RBM19: variants seen among roughly 807,000 people sequenced by gnomAD.
The protein encoded by RBM19 is probable RNA-binding protein 19.
In RBM19, 94 loss-of-function variants were observed where a neutral mutation model predicts 116.8. The observed-to-expected ratio is 0.80, with a 90% CI of 0.68 to 0.95. The LOEUF (loss-of-function observed/expected upper bound fraction) is 0.95. RBM19 is among the 40% of genes least tolerant of loss of function. The pLI is 0.00. For missense variants in RBM19, 1,161 were observed against 1,220.7 expected, an observed-to-expected ratio of 0.95 and a Z score of 0.73; for synonymous variants, 475 against 494.1, an observed-to-expected ratio of 0.96 and a Z score of 0.51.
chr12:113,924,268 A>G (rs1868858684), intron 18 of RBM19, among the ~76,000 whole-genome samples: 1 of 152,244 alleles, frequency 6.6e-6, no homozygotes, highest in Non-Finnish European at 1.5e-5. Flanking sequence ...AAGTTCTACA[A>G]CTGGGTTATC....
intron 23 of RBM19, among the ~76,000 whole-genome samples, chr12:113,843,787 C>T (rs1422324981): frequency 6.6e-6 from 1 of 152,234 alleles, no homozygotes; most frequent in Admixed American, 6.5e-5. Flanking sequence ...CCTCTCCTCA[C>T]CTGACTGAAC....
chr12:113,859,454 C>T (rs1439626908), intron 21 of RBM19, among the ~76,000 whole-genome samples: 1 of 152,212 alleles, frequency 6.6e-6, no homozygotes, highest in Non-Finnish European at 1.5e-5. Context: ...AAATGATACG[C>T]AGCTACTCCC....
chr12:113,953,611 CATT>C (rs1871658761), intron 7 of RBM19, among the ~76,000 whole-genome samples: 1 of 152,164 alleles, frequency 6.6e-6, no homozygotes, highest in African/African-American at 2.4e-5. Flanking sequence ...ATTGATGAAA[CATT>C]AATAATACCC....
At chr12:113,878,632 G>GACACACACACACACACACAC (rs55868508) in intron 21 of RBM19, among the ~76,000 whole-genome samples, 1 of 137,830 alleles carries the variant, frequency 7.3e-6, no homozygotes, top group African/African-American at 2.7e-5. Context: ...CATTCTCCCT[G>GACACACACACACACACACAC]ACACACACAC....
At chr12:113,876,198 G>A (rs1879659301) in intron 21 of RBM19, among the ~76,000 whole-genome samples, 1 of 152,170 alleles carries the variant, frequency 6.6e-6, no homozygotes, top group Non-Finnish European at 1.5e-5. Context: ...TATCTGGGTG[G>A]GGGGCTGCTC....
intron 21 of RBM19, among the ~76,000 whole-genome samples, chr12:113,910,643 T>G (rs917404723): frequency 5.9e-5 from 9 of 152,184 alleles, no homozygotes; most frequent in African/African-American, 2.2e-4. Flanking sequence ...GTACCCTAGT[T>G]TCTTCATATA....
chr12:113,924,829 T>C, intron 17 of RBM19, 72 bp from the exon 18 acceptor site: 2 of 1,280,068 alleles, frequency 1.6e-6, no homozygotes, highest in South Asian at 1.2e-5. Flanking sequence ...TGTCAAACAC[T>C]ATACCCCCAA....
In RBM19 at chr12:113,942,431, T is replaced by C; in HGVS notation, c.1630A>G (p.Thr544Ala). 6.2e-7 allele frequency: 1 copy of C among 1,604,456 alleles called. No individual in the cohort carries two copies. Among genetic ancestry groups the C allele is most frequent in the South Asian group, 1.1e-5 (1 of 90,324 alleles). Reference protein sequence around the residue: ...ATKSQVFDHETKGSVAVRVAL... With the variant: ...ATKSQVFDHEAKGSVAVRVAL... ...ACGCGCACGGCCACGCTGCCCTTGG[T>C]CTCCTGTGGAAGAGGAAAGGAAGAG... Residue 544 changes from threonine to alanine, a missense_variant, in exon 14 of 24, where the codon ACC (threonine) becomes GCC (alanine). Thr to Ala is a moderately conservative substitution (Grantham distance 58). Coordinates refer to ENST00000261741, the MANE Select transcript of RBM19 (RefSeq NM_016196.4).
chr12:113,831,580 C>T (rs536473665), intron 23 of RBM19, among the ~76,000 whole-genome samples: 22 of 152,296 alleles, frequency 1.4e-4, no homozygotes, highest in African/African-American at 2.6e-4. Flanking sequence ...AGGAAGAGCA[C>T]GAGAAATGGC....
rs10850256 is a variant in RBM19 at position 113,957,846 on chromosome 12, T to A, written c.776A>T (p.Lys259Met). Residue 259 changes from lysine to methionine, a missense_variant, in exon 6 of 24, where the codon AAG becomes ATG. Lys to Met is a moderately conservative substitution (Grantham distance 95, BLOSUM62 -1). Transcript: ENST00000261741. ...CATCCCTTGCTCTTGGCCTGCACCC[T>A]TGCTGTCTCTTTCCTGCAGGACTGG... ...ATPVLQERDS[K>M]GAGQEQGMPA... 3 of 1,613,764 alleles carry A rather than the reference T, an allele frequency of 1.9e-6. No homozygotes were observed. Among genetic ancestry groups the A allele is most frequent in the South Asian group, 2.2e-5 (2 of 91,062 alleles).
chr12:113,849,917 G>A (rs1344685885), intron 22 of RBM19, among the ~76,000 whole-genome samples: 1 of 152,184 alleles, frequency 6.6e-6, no homozygotes, highest in East Asian at 1.9e-4. Flanking sequence ...AAGCAAATGG[G>A]TGGCACTTCT....
intron 21 of RBM19, among the ~76,000 whole-genome samples, chr12:113,907,660 C>T (rs1375941320): frequency 1.3e-5 from 2 of 152,128 alleles, no homozygotes; most frequent in Non-Finnish European, 2.9e-5. Context: ...GAAAAAAATA[C>T]CTTATCTGTG....
chr12:113,932,357 C>T (rs1869680003), intron 16 of RBM19, among the ~76,000 whole-genome samples: 1 of 152,244 alleles, frequency 6.6e-6, no homozygotes, highest in Non-Finnish European at 1.5e-5. Flanking sequence ...TAATATTACC[C>T]TTGCTACCCA....
intron 13 of RBM19, 62 bp from the exon 14 acceptor site, chr12:113,942,496 C>CGAG: frequency 7.4e-7 from 1 of 1,346,566 alleles, no homozygotes; most frequent in East Asian, 2.5e-5. Context: ...CTGGCCCTCC[C>CGAG]ATCTCCCAAC....
rs1881874370 is a variant in RBM19, at chr12:113,903,907, G to T, written c.2558+11062C>A. 6.6e-6 allele frequency among the ~76,000 whole-genome samples: 1 copy of T among 152,184 alleles called. No homozygotes were observed. The highest frequency in any genetic ancestry group is 2.1e-4 in the South Asian group (1 of 4,834). On this transcript the variant is annotated intron_variant, in intron 21 of 23. Transcript: ENST00000261741. The surrounding 1 kb of genome is among the most constrained non-coding windows in gnomAD (Gnocchi z 5.1). ...TTTAAGATGTGGTCATGCCATAGAGGAGTTGAGACCTCTGGGATCCGGACC... is the reference window on the plus strand; with the variant it reads ...TTTAAGATGTGGTCATGCCATAGAGTAGTTGAGACCTCTGGGATCCGGACC...
intron 1 of RBM19, among the ~76,000 whole-genome samples, chr12:113,962,969 G>A (rs1051097481): frequency 1.1e-4 from 17 of 152,170 alleles, no homozygotes; most frequent in Admixed American, 6.5e-5. Flanking sequence ...ATGAGAGGGA[G>A]GCGGGAAGAT....
chr12:113,885,042 G>T (rs1880427693), intron 21 of RBM19, among the ~76,000 whole-genome samples: 1 of 152,176 alleles, frequency 6.6e-6, no homozygotes, highest in Non-Finnish European at 1.5e-5. Context: ...TCATCAGTTG[G>T]CCACCAGCAC....
chr12:113,872,565 G>C (rs1879324265), intron 21 of RBM19, among the ~76,000 whole-genome samples: 1 of 109,496 alleles, frequency 9.1e-6, no homozygotes, highest in African/African-American at 3.0e-5. Flanking sequence ...GTCCGGGAGG[G>C]AGGTGGGGGG....
Position 113,873,847 on chromosome 12 carries a change from T to C in RBM19, c.2559-14951A>G, listed in dbSNP as rs1438322957. ...TCAGTGATGGGAGAAATGAGACGCATGGTGCGGGTGATGAGCTGAGTTACA... is the reference window on the plus strand; with the variant it reads ...TCAGTGATGGGAGAAATGAGACGCACGGTGCGGGTGATGAGCTGAGTTACA... On this transcript the variant is annotated intron_variant, in intron 21 of 23. Transcript: ENST00000261741. Among the ~76,000 whole-genome samples, 7 of 152,136 alleles carry C rather than the reference T, an allele frequency of 4.6e-5. No homozygotes were observed. In the South Asian group the frequency reaches 1.0e-3, roughly 23 times the overall value.
Sources: gnomAD v4.1 joint callset for allele counts (sites outside exome capture counted in the v4.1 genomes callset) on GRCh38, gnomAD v4.1.1 for gene constraint, Gnocchi (gnomAD v3.1) non-coding constraint, MANE v1.5 for transcripts, NCBI Gene and HGNC (gene_info 2026-07-23, HGNC 2026-07-21) for gene names.